The following FRMD4A variants were observed in gnomAD, a reference collection of about 807,000 sequenced individuals.
FRMD4A encodes FERM domain containing 4A, also known as FERM domain-containing protein 4A.
Under a neutral mutation model 129.1 loss-of-function variants are expected in FRMD4A, and 29 were observed. The ratio of observed to expected loss-of-function variants is 0.22; its 90% CI spans 0.17 to 0.31. The LOEUF is 0.31. FRMD4A is among the 10% of genes least tolerant of loss of function. The probability of loss-of-function intolerance (pLI) is 1.00; values close to 1 mark genes in which losing one functional copy is unlikely to be tolerated. For synonymous variants in FRMD4A, 634 were observed against 571.6 expected, an observed-to-expected ratio of 1.11 and a Z score of -1.56; for missense variants, 1,272 against 1,375.8, an observed-to-expected ratio of 0.92 and a Z score of 1.19.
intron 2 of FRMD4A, among the ~76,000 whole-genome samples, chr10:14,188,085 C>G (rs1223816607): frequency 6.6e-6 from 1 of 152,166 alleles, no homozygotes; most frequent in Non-Finnish European, 1.5e-5. Context: ...CTTAGACTCT[C>G]CAGGTGCTGT....
rs147023384 is a variant in FRMD4A at position 13,820,005 on chromosome 10, T to C, written c.112-9097A>G. Among the ~76,000 whole-genome samples the C allele has an allele frequency of 5.4e-3, 822 of 152,266 alleles. 6 individuals are homozygous for C. Among genetic ancestry groups the C allele is most frequent in the African/African-American group, 0.019 (787 of 41,540 alleles). On this transcript the variant is annotated intron_variant, in intron 3 of 24. Transcript: ENST00000357447. Reference sequence around the variant, plus strand: ...TCCCAAGGTCCTGGGATATATTGCCTCCTTATAAGAGAGATACAGAGGGTT... The same window carrying C: ...TCCCAAGGTCCTGGGATATATTGCCCCCTTATAAGAGAGATACAGAGGGTT...
At position 13,657,144 on chromosome 10, in the gene FRMD4A, G is replaced by GCCCCCCGCGCCCCCCGCA. The variant is rs1564528662; in HGVS notation, c.2427_2444dup (p.Ala813_Gly818dup). On this transcript the variant is annotated inframe_insertion, in exon 22 of 25. Transcript: ENST00000357447. ...TGTGCAGGTACACACCGCCCCCCGC[G>GCCCCCCGCGCCCCCCGCA]CCCCCCGCGCCCCCCGCACCCCCGC... 20 of 1,380,916 alleles carry GCCCCCCGCGCCCCCCGCA rather than the reference G, an allele frequency of 1.4e-5. No individual in the cohort carries two copies. Among genetic ancestry groups the GCCCCCCGCGCCCCCCGCA allele is most frequent in the South Asian group, 6.5e-5 (5 of 76,388 alleles). The allele number at this position is 1,380,916 out of a possible 1,614,324, so 85.5% of individuals were successfully genotyped here.
intron 9 of FRMD4A, among the ~76,000 whole-genome samples, chr10:13,740,922 G>A (rs1386948882): frequency 6.9e-6 from 1 of 144,640 alleles, no homozygotes; most frequent in East Asian, 2.1e-4. Context: ...CACCTCCCGA[G>A]TTCAAGCAAT....
intron 2 of FRMD4A, among the ~76,000 whole-genome samples, chr10:13,957,956 C>T (rs961551956): frequency 1.3e-5 from 2 of 152,088 alleles, no homozygotes; most frequent in Non-Finnish European, 2.9e-5. Flanking sequence ...CCTCCCCTCT[C>T]TAAGAGCCTA....
At chr10:13,923,431 G>A (rs2095095861) in intron 2 of FRMD4A, among the ~76,000 whole-genome samples, 1 of 152,130 alleles carries the variant, frequency 6.6e-6, no homozygotes, top group African/African-American at 2.4e-5. Context: ...TAGGCTCTGT[G>A]GGCAGGTCCC....
intron 2 of FRMD4A, among the ~76,000 whole-genome samples, chr10:14,149,719 A>C (rs1840248263): frequency 6.6e-6 from 1 of 152,162 alleles, no homozygotes; most frequent in Admixed American, 6.5e-5. Context: ...CATCAACACC[A>C]TATTTCCCAC....
intron 2 of FRMD4A, among the ~76,000 whole-genome samples, chr10:14,002,402 A>G (rs773419762): frequency 6.6e-6 from 1 of 152,218 alleles, no homozygotes; most frequent in Non-Finnish European, 1.5e-5. Context: ...CTCCGCTTGT[A>G]CTGACACGTA....
intron 17 of FRMD4A, among the ~76,000 whole-genome samples, chr10:13,668,655 C>T (rs1193480383): frequency 3.3e-5 from 5 of 152,100 alleles, no homozygotes; most frequent in Admixed American, 6.6e-5. Flanking sequence ...TAAAGTCCCG[C>T]GGTACTGAGA....
At chr10:13,733,402 T>C (rs933336743) in intron 12 of FRMD4A, among the ~76,000 whole-genome samples, 1 of 152,024 alleles carries the variant, frequency 6.6e-6, no homozygotes, top group South Asian at 2.1e-4. Flanking sequence ...CTAACAAAAC[T>C]AAGGTTTTGC....
chr10:14,004,215 G>T (rs1208908304), intron 2 of FRMD4A, among the ~76,000 whole-genome samples: 1 of 152,200 alleles, frequency 6.6e-6, no homozygotes, highest in Non-Finnish European at 1.5e-5. Flanking sequence ...AGACAGGGAG[G>T]TGTGTCTAAA....
intron 2 of FRMD4A, among the ~76,000 whole-genome samples, chr10:14,315,076 T>A (rs1846687339): frequency 6.6e-6 from 1 of 152,166 alleles, no homozygotes; most frequent in Non-Finnish European, 1.5e-5. Context: ...GGAATTCTAG[T>A]TACCTTTCTG....
intron 2 of FRMD4A, among the ~76,000 whole-genome samples, chr10:14,224,575 T>A (rs943365): frequency 0.97 from 147,324 of 151,710 alleles, 71,621 homozygotes; most frequent in East Asian, 1. Flanking sequence ...TAAATTTTGA[T>A]TTTTTTTTTC....
At chr10:14,068,888 C>T (rs974146254) in intron 2 of FRMD4A, among the ~76,000 whole-genome samples, 1 of 149,450 alleles carries the variant, frequency 6.7e-6, no homozygotes, top group Non-Finnish European at 1.5e-5. Context: ...CTCCCTCCCT[C>T]TCCCTCTCTT....
intron 9 of FRMD4A, among the ~76,000 whole-genome samples, chr10:13,742,089 C>A (rs1213231899): frequency 6.6e-6 from 1 of 151,968 alleles, no homozygotes; most frequent in Non-Finnish European, 1.5e-5. Flanking sequence ...CTCCGGGCCT[C>A]AGGTCATCTG....
intron 2 of FRMD4A, among the ~76,000 whole-genome samples, chr10:13,886,952 G>A (rs2094630353): frequency 1.3e-5 from 2 of 152,230 alleles, no homozygotes; most frequent in Admixed American, 6.5e-5. Flanking sequence ...AAAGGAACAT[G>A]TGAATGTAAG....
chr10:13,762,949 T>C (rs1389884509), intron 6 of FRMD4A, among the ~76,000 whole-genome samples: 1 of 152,100 alleles, frequency 6.6e-6, no homozygotes, highest in African/African-American at 2.4e-5. Flanking sequence ...CACTCCAGCC[T>C]GGGTAATGGG....
rs1417099720 is a variant in FRMD4A at position 13,964,509 on chromosome 10, A to T, written c.46-105597T>A. On this transcript the variant is annotated intron_variant, in intron 2 of 24. Coordinates refer to ENST00000357447, the MANE Select transcript of FRMD4A (RefSeq NM_018027.5). ...GGTGGGGAGGCAATAGAGAGGACAG[A>T]GGTCGATTTGTCATGAAACCAATGA... Among the ~76,000 whole-genome samples, 3 of 152,040 alleles carry T rather than the reference A, an allele frequency of 2.0e-5. No individual in the cohort carries two copies. The East Asian group carries it at 5.8e-4, about 29-fold the overall frequency.
At chr10:13,771,771 A>T (rs2092459902) in intron 6 of FRMD4A, among the ~76,000 whole-genome samples, 1 of 152,098 alleles carries the variant, frequency 6.6e-6, no homozygotes. Flanking sequence ...TTGAAATGTG[A>T]TGAATGTCCC....
intron 16 of FRMD4A, among the ~76,000 whole-genome samples, chr10:13,671,146 GTTTAA>G (rs1328947493): frequency 2.6e-5 from 4 of 152,176 alleles, no homozygotes; most frequent in East Asian, 1.9e-4. Context: ...ACATTAAACT[GTTTAA>G]TTTAAAAGTT....
Sources: allele counts gnomAD v4.1 joint callset (sites outside exome capture counted in the v4.1 genomes callset), GRCh38; gene constraint gnomAD v4.1.1; transcripts MANE v1.5; gene names NCBI Gene and HGNC (gene_info 2026-07-23, HGNC 2026-07-21).